OLFM3: variants seen among roughly 807,000 people sequenced by gnomAD.
The protein encoded by OLFM3 is noelin-3.
Under a neutral mutation model 48.6 loss-of-function variants are expected in OLFM3, and 20 were observed. The observed-to-expected ratio is 0.41, with a 90% confidence interval of 0.29 to 0.60. OLFM3 has a LOEUF of 0.60. Ranked by LOEUF, OLFM3 falls within the 20% of genes least tolerant of loss-of-function variation. OLFM3 has a pLI of 0.28. For synonymous variants in OLFM3, 222 were observed against 198.1 expected (o/e 1.12, Z -1.01); for missense variants, 437 against 544.3 (o/e 0.80, Z 1.96).
At chr1:101,939,005 CA>C (rs1557738114) in intron 1 of OLFM3, among the ~76,000 whole-genome samples, 1 of 152,036 alleles carries the variant, frequency 6.6e-6, no homozygotes. Context: ...GTCTTAATTT[CA>C]GTATCTTTTA....
At chr1:101,896,555 C>T (rs994984178) in intron 1 of OLFM3, among the ~76,000 whole-genome samples, 5 of 132,216 alleles carry the variant, frequency 3.8e-5, no homozygotes, top group South Asian at 4.8e-4. Flanking sequence ...AGTGCAGTGG[C>T]GCGATCTCGG....
chr1:101,859,030 G>A (rs1656541428), intron 1 of OLFM3, among the ~76,000 whole-genome samples: 1 of 152,022 alleles, frequency 6.6e-6, no homozygotes, highest in Admixed American at 6.6e-5. Context: ...ACTGGTGACA[G>A]CATGTGAAAA....
intron 4 of OLFM3, among the ~76,000 whole-genome samples, chr1:101,815,231 G>C (rs528434561): frequency 6.6e-6 from 1 of 152,150 alleles, no homozygotes; most frequent in South Asian, 2.1e-4. Context: ...CGGATCACAA[G>C]GTCAGGAGAT....
intron 1 of OLFM3, among the ~76,000 whole-genome samples, chr1:101,923,247 C>T (rs1033398935): frequency 2.0e-5 from 3 of 152,106 alleles, no homozygotes; most frequent in Admixed American, 6.6e-5. Flanking sequence ...ATATTCCTTC[C>T]GGTGTGACTA....
intron 1 of OLFM3, among the ~76,000 whole-genome samples, chr1:101,888,287 G>T (rs1442765902): frequency 6.6e-6 from 1 of 152,052 alleles, no homozygotes; most frequent in Non-Finnish European, 1.5e-5. Flanking sequence ...GCATGGTACT[G>T]GTACCAAAAG....
intron 4 of OLFM3, among the ~76,000 whole-genome samples, chr1:101,814,081 T>C (rs1018909901): frequency 6.6e-6 from 1 of 152,132 alleles, no homozygotes; most frequent in Non-Finnish European, 1.5e-5. Flanking sequence ...TTCTCCACAT[T>C]TGATGACCAT....
chr1:101,974,051 T>C (rs1660881845), intron 1 of OLFM3, among the ~76,000 whole-genome samples: 1 of 151,866 alleles, frequency 6.6e-6, no homozygotes, highest in South Asian at 2.1e-4. Flanking sequence ...CCATTTACAA[T>C]GCATATATAC....
At chr1:101,963,257 G>T (rs1206400143) in intron 1 of OLFM3, among the ~76,000 whole-genome samples, 1 of 152,138 alleles carries the variant, frequency 6.6e-6, no homozygotes, top group Non-Finnish European at 1.5e-5. Context: ...CAAACTCGAG[G>T]AGTACAGGCA....
intron 1 of OLFM3, among the ~76,000 whole-genome samples, chr1:101,940,756 AT>A (rs1429155933): frequency 2.7e-5 from 4 of 150,658 alleles, no homozygotes; most frequent in Non-Finnish European, 5.9e-5. Flanking sequence ...ATGTATATAT[AT>A]TCATTTGTGT....
At chr1:101,922,733 C>T (rs1431884325) in intron 1 of OLFM3, among the ~76,000 whole-genome samples, 1 of 152,088 alleles carries the variant, frequency 6.6e-6, no homozygotes, top group Non-Finnish European at 1.5e-5. Flanking sequence ...ACCTGGAACA[C>T]CTAAAAATGT....
Position 101,837,019 on chromosome 1 carries a change from T to A in OLFM3, c.76A>T (p.Ile26Phe). ...FAGLDPSKTQ[I>F]SPKEGWQVYS... ...ACCTGCCACCCTTCTTTAGGACTAA[T>A]CTGAGTCTGAGGAAACCAAAGGGAA... The change falls in exon 2 of 6, where the codon ATT (isoleucine) becomes TTT (phenylalanine). Residue 26 changes from isoleucine (I) to phenylalanine (F), a missense_variant. Physicochemically the swap from Ile to Phe is conservative, Grantham distance 21. Transcript: ENST00000370103. 1 of 1,610,578 alleles carries A rather than the reference T, an allele frequency of 6.2e-7. No homozygotes were observed. Among genetic ancestry groups the A allele is most frequent in the Non-Finnish European group, 8.5e-7 (1 of 1,178,034 alleles).
intron 1 of OLFM3, among the ~76,000 whole-genome samples, chr1:101,978,349 G>A (rs1026778264): frequency 3.3e-5 from 5 of 152,018 alleles, no homozygotes; most frequent in Admixed American, 6.6e-5. Flanking sequence ...AGGTATGAGC[G>A]TTCTTAGAGT....
intron 1 of OLFM3, among the ~76,000 whole-genome samples, chr1:101,954,195 C>G (rs978928835): frequency 4.0e-5 from 6 of 151,858 alleles, no homozygotes; most frequent in Non-Finnish European, 8.8e-5. Flanking sequence ...AAGAACTGAC[C>G]AAATTGCCCA....
At chr1:101,928,487 G>C (rs1420158907) in intron 1 of OLFM3, among the ~76,000 whole-genome samples, 1 of 152,086 alleles carries the variant, frequency 6.6e-6, no homozygotes, top group Non-Finnish European at 1.5e-5. Flanking sequence ...AGTCTACCCA[G>C]TAACACTAGC....
At chr1:101,865,788 C>T (rs1656836474) in intron 1 of OLFM3, among the ~76,000 whole-genome samples, 1 of 152,080 alleles carries the variant, frequency 6.6e-6, no homozygotes, top group African/African-American at 2.4e-5. Context: ...TCAAGGACTA[C>T]GAGGTCAAAA....
intron 1 of OLFM3, among the ~76,000 whole-genome samples, chr1:101,905,049 T>C (rs1270625608): frequency 6.6e-6 from 1 of 152,118 alleles, no homozygotes; most frequent in East Asian, 1.9e-4. Flanking sequence ...AAGGTTTTGG[T>C]AGTGAGGTTG....
At chr1:101,882,344 A>T (rs1657568502) in intron 1 of OLFM3, among the ~76,000 whole-genome samples, 2 of 42,100 alleles carry the variant, frequency 4.8e-5, no homozygotes, top group African/African-American at 1.3e-4. Context: ...ATATATATAT[A>T]TATATAAAGA....
intron 1 of OLFM3, among the ~76,000 whole-genome samples, chr1:101,945,632 T>A (rs1659940804): frequency 6.6e-6 from 1 of 151,992 alleles, no homozygotes. Context: ...ACTGTACACT[T>A]ATCTTAATTT....
chr1:101,887,113 T>C lies in OLFM3; in HGVS notation c.70-50088A>G, dbSNP rs1657794116. On this transcript the variant is annotated intron_variant, in intron 1 of 5. Coordinates refer to ENST00000370103, the MANE Select transcript of OLFM3 (RefSeq NM_058170.4). Reference sequence around the variant, plus strand: ...GTTTTTTTAAATAAATTATAATGCATAAAATATAGATACAGGTGAAATATT... The same window carrying C: ...GTTTTTTTAAATAAATTATAATGCACAAAATATAGATACAGGTGAAATATT... 2.0e-5 allele frequency among the ~76,000 whole-genome samples: 3 copies of C among 151,796 alleles called. No individual in the cohort carries two copies. In the South Asian group the frequency reaches 6.2e-4, roughly 31 times the overall value.
Sources: allele counts gnomAD v4.1 joint callset (sites outside exome capture counted in the v4.1 genomes callset), GRCh38; gene constraint gnomAD v4.1.1; transcripts MANE v1.5; gene names NCBI Gene and HGNC (gene_info 2026-07-23, HGNC 2026-07-21).